The following IRAG1 variants were observed in gnomAD, a reference collection of about 807,000 sequenced individuals.
IRAG1 encodes the protein inositol 1,4,5-triphosphate receptor associated 1.
In IRAG1, 62 loss-of-function variants were observed where a neutral mutation model predicts 106.2. The ratio of observed to expected loss-of-function variants is 0.58; its 90% CI spans 0.48 to 0.72. The LOEUF (loss-of-function observed/expected upper bound fraction) is 0.72, where lower values mean the gene tolerates loss of function less well. Among genes scored for constraint, IRAG1 ranks in the 30% least tolerant of loss-of-function variants. The pLI is 0.00. For synonymous variants in IRAG1, 462 were observed against 443.9 expected, an observed-to-expected ratio of 1.04 and a Z score of -0.51; for missense variants, 1,064 against 1,140.7, an observed-to-expected ratio of 0.93 and a Z score of 0.97.
At chr11:10,672,344 C>G (rs553691331) in intron 1 of IRAG1, among the ~76,000 whole-genome samples, 1 of 152,122 alleles carries the variant, frequency 6.6e-6, no homozygotes, top group Non-Finnish European at 1.5e-5. Flanking sequence ...ATAAATTGGA[C>G]TTCATCGCGA....
chr11:10,635,404 C>T (rs59384489), intron 2 of IRAG1, among the ~76,000 whole-genome samples: 162 of 152,308 alleles, frequency 1.1e-3, no homozygotes, highest in African/African-American at 3.7e-3. Context: ...TGCTGCCTCC[C>T]GCAGCTTCAA....
intron 17 of IRAG1, among the ~76,000 whole-genome samples, chr11:10,592,246 T>C (rs72861101): frequency 0.012 from 1,776 of 152,300 alleles, 17 homozygotes; most frequent in Middle Eastern, 0.02. Context: ...GGGGGAATAA[T>C]GGTTTAAAAG....
chr11:10,644,247 C>T (rs1857765430), intron 2 of IRAG1, among the ~76,000 whole-genome samples: 1 of 152,240 alleles, frequency 6.6e-6, no homozygotes, highest in Non-Finnish European at 1.5e-5. Context: ...ATTACATAAA[C>T]TCTCAGAGAC....
At chr11:10,688,553 C>A (rs1176394003) in intron 1 of IRAG1, among the ~76,000 whole-genome samples, 3 of 152,088 alleles carry the variant, frequency 2.0e-5, no homozygotes, top group African/African-American at 7.2e-5. Context: ...CACATCCCAC[C>A]CCTAGAGCCA....
At chr11:10,579,414 G>T (rs1195063068) in intron 20 of IRAG1, among the ~76,000 whole-genome samples, 1 of 152,176 alleles carries the variant, frequency 6.6e-6, no homozygotes, top group African/African-American at 2.4e-5. Flanking sequence ...GTCTGGAGCT[G>T]CCCTGGACCC....
chr11:10,595,465 A>G (rs1017082904), intron 15 of IRAG1, among the ~76,000 whole-genome samples: 5 of 152,126 alleles, frequency 3.3e-5, no homozygotes, highest in African/African-American at 1.2e-4. Context: ...ACTGACTTTA[A>G]ATTTAAAATT....
At chr11:10,650,583 A>T (rs1858398937) in intron 2 of IRAG1, among the ~76,000 whole-genome samples, 1 of 152,202 alleles carries the variant, frequency 6.6e-6, no homozygotes, top group South Asian at 2.1e-4. Flanking sequence ...GACAGAGGCC[A>T]AGAAAGTCAT....
At chr11:10,594,313 A>G (rs1450744658) in intron 15 of IRAG1, 118 bp from the exon 16 acceptor site, 1 of 942,792 alleles carries the variant, frequency 1.1e-6, no homozygotes, top group Non-Finnish European at 1.6e-6. Flanking sequence ...GGGATAGCCC[A>G]AGGGTCTGGG....
chr11:10,616,806 T>C (rs753974637), intron 10 of IRAG1, among the ~76,000 whole-genome samples: 11 of 152,206 alleles, frequency 7.2e-5, no homozygotes, highest in Non-Finnish European at 1.5e-4. Context: ...CTTTCTTCCT[T>C]GTATTTTTCA....
chr11:10,580,362 G>C, intron 20 of IRAG1, 93 bp downstream of exon 20: 1 of 1,544,810 alleles, frequency 6.5e-7, no homozygotes, highest in Non-Finnish European at 8.7e-7. Flanking sequence ...TGCTGCCCTG[G>C]ACTGGCATTT....
intron 15 of IRAG1, among the ~76,000 whole-genome samples, chr11:10,598,999 A>C (rs1853641847): frequency 6.6e-6 from 1 of 152,240 alleles, no homozygotes; most frequent in African/African-American, 2.4e-5. Flanking sequence ...ACACCTGCTG[A>C]GTGGTTACGG....
rs2134595291 is a variant in IRAG1, at chr11:10,628,555, C to T, written c.652+196G>A. ...TCCCGACACAAGCCCAAGATGCTAACAGAAAGTCTATCTGCCTCCTCTGGG... is the reference window on the plus strand; with the variant it reads ...TCCCGACACAAGCCCAAGATGCTAATAGAAAGTCTATCTGCCTCCTCTGGG... On this transcript the variant is annotated intron_variant, in intron 6 of 20. Transcript: ENST00000423302. This position sits in a 1 kb window ranked among gnomAD's most constrained non-coding sequence, Gnocchi z 4.1. Among the ~76,000 whole-genome samples the T allele has an allele frequency of 6.6e-6, 1 of 152,330 alleles. No individual in the cohort carries two copies. The highest frequency in any genetic ancestry group is 2.1e-4 in the South Asian group (1 of 4,830).
chr11:10,594,120 C>G, intron 16 of IRAG1, 26 bp downstream of exon 16: 1 of 1,589,678 alleles, frequency 6.3e-7, no homozygotes, highest in Non-Finnish European at 8.6e-7. Flanking sequence ...CTTCCAGGAG[C>G]CCTGGTATTC....
intron 11 of IRAG1, among the ~76,000 whole-genome samples, chr11:10,607,910 AGG>A (rs1854615650): frequency 6.6e-6 from 1 of 152,202 alleles, no homozygotes; most frequent in Non-Finnish European, 1.5e-5. Flanking sequence ...CCCACCCATC[AGG>A]CCCTTGCCTT....
chr11:10,626,254 G>A lies in IRAG1; in HGVS notation c.1080C>T (p.Ser360=), dbSNP rs1564914511. 6.2e-7 allele frequency: 1 copy of A among 1,608,730 alleles called. No homozygotes were observed. Among genetic ancestry groups the A allele is most frequent in the Non-Finnish European group, 8.5e-7 (1 of 1,177,134 alleles). The stretch of plus-strand genomic sequence containing the variant: ...GCTCTCCAGCTGGGCCTCTCCCCTG[G>A]GAGGCTGGGGGACCCACTCCTGCCG... ...QDAAGVGPPA[S]QGRGPAGEPM... is the part of the protein sequence containing the mutation. The change falls in exon 9 of 21, where the codon TCC becomes TCT. Residue 360 remains serine (S), a synonymous_variant. Transcript: ENST00000423302.
At chr11:10,603,425 T>C (rs1854198912) in intron 13 of IRAG1, among the ~76,000 whole-genome samples, 174 bp from the exon 14 acceptor site, 1 of 152,120 alleles carries the variant, frequency 6.6e-6, no homozygotes, top group African/African-American at 2.4e-5. Context: ...TAGATTCTTA[T>C]AAGGAGGGTA....
intron 1 of IRAG1, among the ~76,000 whole-genome samples, chr11:10,677,760 A>C (rs556777589): frequency 6.6e-6 from 1 of 152,328 alleles, no homozygotes; most frequent in East Asian, 1.9e-4. Context: ...GAAACTCTGT[A>C]CCCAGTAAGC....
intron 10 of IRAG1, among the ~76,000 whole-genome samples, chr11:10,613,703 G>A (rs983965248): frequency 3.3e-5 from 5 of 152,148 alleles, no homozygotes; most frequent in Non-Finnish European, 5.9e-5. Context: ...GGTAGAAATG[G>A]AAATGTAGGA....
intron 10 of IRAG1, among the ~76,000 whole-genome samples, chr11:10,622,101 G>T (rs914943709): frequency 5.3e-5 from 8 of 152,182 alleles, no homozygotes; most frequent in African/African-American, 1.4e-4. Context: ...AAAATGGCAA[G>T]TTGAATGTTA....
Sources: allele counts gnomAD v4.1 joint callset (sites outside exome capture counted in the v4.1 genomes callset), GRCh38; gene constraint gnomAD v4.1.1; non-coding constraint Gnocchi (gnomAD v3.1); transcripts MANE v1.5; gene names NCBI Gene and HGNC (gene_info 2026-07-23, HGNC 2026-07-21).